SH3TC2: variants seen among roughly 807,000 people sequenced by gnomAD.
The protein encoded by SH3TC2 is SH3 domain and tetratricopeptide repeats 2, also known as SH3 domain and tetratricopeptide repeat-containing protein 2.
SH3TC2 carries 87 observed loss-of-function variants against 124.5 expected under a neutral mutation model. That is an observed-to-expected ratio of 0.70 (90% CI 0.59 to 0.84). The LOEUF (loss-of-function observed/expected upper bound fraction) is 0.84. Ranked by LOEUF, SH3TC2 falls within the 40% of genes least tolerant of loss-of-function variation. The pLI, the probability that SH3TC2 is intolerant of heterozygous loss-of-function variation, is 0.00. For synonymous variants in SH3TC2, 634 were observed against 628.5 expected (o/e 1.01, Z -0.13); for missense variants, 1,536 against 1,566.4 (o/e 0.98, Z 0.33).
Position 149,052,025 on chromosome 5 carries a change from A to G in SH3TC2, c.151+117T>C. On this transcript the variant is annotated intron_variant, in intron 2 of 16. Transcript: ENST00000515425. ...AGATTTGTGAGCAAGCAAATAGCATAGTCAAAATCTTTTCATCAAGAGGGA... is the reference window on the plus strand; with the variant it reads ...AGATTTGTGAGCAAGCAAATAGCATGGTCAAAATCTTTTCATCAAGAGGGA... 3 of 789,262 alleles carry G rather than the reference A, an allele frequency of 3.8e-6. No individual in the cohort carries two copies. The South Asian group carries it at 4.1e-5, about 11-fold the overall frequency. The allele number at this position is 789,262 out of a possible 1,614,324, so 48.9% of individuals were successfully genotyped here. A position where few individuals can be genotyped will look rare whatever the true frequency, so the allele number is the denominator to read the frequency against.
Position 148,996,148 on chromosome 5 carries a change from A to C in SH3TC2, c.*8563T>G, listed in dbSNP as rs1753506618. Among the ~76,000 whole-genome samples, 1 of 151,762 alleles carries C rather than the reference A, an allele frequency of 6.6e-6. No homozygotes were observed. Among genetic ancestry groups the C allele is most frequent in the Non-Finnish European group, 1.5e-5 (1 of 68,000 alleles). ...ATGCCTGTAGTCCCAGCTACTCGGG[A>C]GGCTGAAGTGGGAGGATCACCCAAG... On this transcript the variant is annotated 3_prime_UTR_variant, in exon 17 of 17. Coordinates refer to ENST00000515425, the MANE Select transcript of SH3TC2 (RefSeq NM_024577.4).
chr5:149,053,919 AG>A lies in SH3TC2; in HGVS notation c.53-1680del, dbSNP rs572372349. Reference sequence around the variant, plus strand: ...AAGGGTGTGTGCGCTAGGGAGAAGTAGGGATGTTAATGGGTACAAAAATGCA... The same window carrying A: ...AAGGGTGTGTGCGCTAGGGAGAAGTAGGATGTTAATGGGTACAAAAATGCA... On this transcript the variant is annotated intron_variant, in intron 1 of 16. Transcript: ENST00000515425. Among the ~76,000 whole-genome samples, 11 of 152,346 alleles carry A rather than the reference AG, an allele frequency of 7.2e-5. No homozygotes were observed. The East Asian group carries it at 2.1e-3, about 29-fold the overall frequency.
chr5:149,044,389 T>A, intron 4 of SH3TC2, 144 bp downstream of exon 4: 2 of 667,866 alleles, frequency 3.0e-6, no homozygotes, highest in African/African-American at 3.6e-5. Flanking sequence ...TGAGGCACTT[T>A]GTGAAATTTC....
chr5:149,019,242 G>A (rs1000163572), intron 12 of SH3TC2, among the ~76,000 whole-genome samples: 3 of 152,024 alleles, frequency 2.0e-5, no homozygotes, highest in Non-Finnish European at 4.4e-5. Flanking sequence ...AACCACCCCC[G>A]GGTGCATAGA....
chr5:149,039,761 A>G (rs564637732), intron 7 of SH3TC2, among the ~76,000 whole-genome samples: 9 of 152,240 alleles, frequency 5.9e-5, no homozygotes. Flanking sequence ...AGGAGCCAGA[A>G]TTTGAACCAG....
chr5:148,988,663 G>T lies in SH3TC2; in HGVS notation c.*16048C>A, dbSNP rs1044071288. ...GTGAGGAAGCCATCTTCGATGCCCAGCCCAGAGGAGCCTTTGATGACTCCA... is the reference window on the plus strand; with the variant it reads ...GTGAGGAAGCCATCTTCGATGCCCATCCCAGAGGAGCCTTTGATGACTCCA... On this transcript the variant is annotated 3_prime_UTR_variant, in exon 17 of 17. Transcript: ENST00000515425. Among the ~76,000 whole-genome samples, 1 of 152,154 alleles carries T rather than the reference G, an allele frequency of 6.6e-6. No homozygotes were observed. The highest frequency in any genetic ancestry group is 6.5e-5 in the Admixed American group (1 of 15,280).
chr5:148,998,569 G>A lies in SH3TC2; in HGVS notation c.*6142C>T, dbSNP rs1165859021. 1.3e-5 allele frequency among the ~76,000 whole-genome samples: 2 copies of A among 152,194 alleles called. No homozygotes were observed. The highest frequency in any genetic ancestry group is 4.8e-5 in the African/African-American group (2 of 41,434). ...CAGCTGGGTTCTCACCTTTGAAATCGTTTTGAAAGCACAGCATCCTTCCCT... is the reference window on the plus strand; with the variant it reads ...CAGCTGGGTTCTCACCTTTGAAATCATTTTGAAAGCACAGCATCCTTCCCT... On this transcript the variant is annotated 3_prime_UTR_variant, in exon 17 of 17. Coordinates refer to ENST00000515425, the MANE Select transcript of SH3TC2 (RefSeq NM_024577.4).
intron 1 of SH3TC2, among the ~76,000 whole-genome samples, chr5:149,053,010 T>C (rs1236366261): frequency 1.3e-5 from 2 of 152,240 alleles, no homozygotes; most frequent in Admixed American, 6.5e-5. Context: ...TTTTAGTTGA[T>C]GGATTCTGTC....
chr5:149,020,871 C>T (rs909207880), intron 12 of SH3TC2, among the ~76,000 whole-genome samples: 4 of 152,080 alleles, frequency 2.6e-5, no homozygotes, highest in African/African-American at 9.7e-5. Context: ...GTTTTAATAA[C>T]ACACTTTCAA....
chr5:149,046,040 T>C (rs1754458605), intron 3 of SH3TC2: 3 of 354,964 alleles, frequency 8.5e-6, no homozygotes, highest in South Asian at 4.1e-5. Context: ...CCTCCGGAGT[T>C]GACTGTAACA....
chr5:149,033,122 A>ATGGCT (rs1754225080), intron 8 of SH3TC2, among the ~76,000 whole-genome samples: 2 of 152,222 alleles, frequency 1.3e-5, no homozygotes, highest in African/African-American at 4.8e-5. Context: ...GTGACATGCT[A>ATGGCT]AGAATTGCAT....
chr5:149,039,872 G>A (rs1244434133), intron 7 of SH3TC2, among the ~76,000 whole-genome samples: 1 of 147,946 alleles, frequency 6.8e-6, no homozygotes, highest in African/African-American at 2.6e-5. Flanking sequence ...TGATGTCTGG[G>A]TTCCATAATC....
intron 16 of SH3TC2, 56 bp from the exon 17 acceptor site, chr5:149,004,958 C>G: frequency 2.5e-6 from 4 of 1,601,122 alleles, no homozygotes; most frequent in Non-Finnish European, 3.4e-6. Flanking sequence ...ACTTCCAGGA[C>G]AGGCTAGGAG....
chr5:149,002,445 C>A lies in SH3TC2; in HGVS notation c.*2266G>T, dbSNP rs976117263. The A allele has an allele frequency of 1.5e-4, 23 of 152,598 alleles. No individual in the cohort carries two copies. Among genetic ancestry groups the A allele is most frequent in the African/African-American group, 5.1e-4 (21 of 41,442 alleles). 9.5% of individuals were successfully genotyped at this position (152,598 alleles called of 1,614,324 possible). A position where few individuals can be genotyped will look rare whatever the true frequency, so the allele number is the denominator to read the frequency against. On this transcript the variant is annotated 3_prime_UTR_variant, in exon 17 of 17. Coordinates refer to ENST00000515425, the MANE Select transcript of SH3TC2 (RefSeq NM_024577.4). ...TTAGATAACTTTACTAATTAGACAACTGGAAGCTTCTCCTTCCTGGAGAAT... is the reference window on the plus strand; with the variant it reads ...TTAGATAACTTTACTAATTAGACAAATGGAAGCTTCTCCTTCCTGGAGAAT...
intron 4 of SH3TC2, chr5:149,043,755 G>A (rs1754411303): frequency 6.6e-6 from 1 of 152,096 alleles, no homozygotes; most frequent in Non-Finnish European, 1.5e-5. Flanking sequence ...GTGTAGTGTG[G>A]AGATCAGATC....
chr5:149,054,862 T>C (rs1369966501), intron 1 of SH3TC2, among the ~76,000 whole-genome samples: 1 of 152,158 alleles, frequency 6.6e-6, no homozygotes, highest in Non-Finnish European at 1.5e-5. Flanking sequence ...TACAATAGCC[T>C]GACAATGAGG....
intron 15 of SH3TC2, 188 bp downstream of exon 15, chr5:149,008,663 T>G: frequency 1.4e-6 from 1 of 719,756 alleles, no homozygotes; most frequent in Non-Finnish European, 2.3e-6. Context: ...TTAATCCTGA[T>G]TTGGTGATGA....
At chr5:149,026,486 T>C in intron 12 of SH3TC2, 86 bp downstream of exon 12, 1 of 1,537,316 alleles carries the variant, frequency 6.5e-7, no homozygotes, top group South Asian at 1.1e-5. Context: ...ACCATGTACA[T>C]TTGGACTTGC....
rs774379045 is a variant in SH3TC2 at position 148,993,335 on chromosome 5, T to C, written c.*11376A>G. On this transcript the variant is annotated 3_prime_UTR_variant, in exon 17 of 17. Transcript: ENST00000515425. ...AAAATTTGACCTAAATAAATTATTGTCAATAAATTATAAGCCATCATTGTA... is the reference window on the plus strand; with the variant it reads ...AAAATTTGACCTAAATAAATTATTGCCAATAAATTATAAGCCATCATTGTA... 6.6e-6 allele frequency among the ~76,000 whole-genome samples: 1 copy of C among 152,288 alleles called. No individual in the cohort carries two copies. Among genetic ancestry groups the C allele is most frequent in the East Asian group, 1.9e-4 (1 of 5,188 alleles).
Sources: gnomAD v4.1 joint callset for allele counts (sites outside exome capture counted in the v4.1 genomes callset) on GRCh38, gnomAD v4.1.1 for gene constraint, MANE v1.5 for transcripts, NCBI Gene and HGNC (gene_info 2026-07-23, HGNC 2026-07-21) for gene names.